DNMBP: variants seen among roughly 807,000 people sequenced by gnomAD.
DNMBP encodes dynamin-binding protein.
DNMBP carries 87 observed loss-of-function variants against 150.0 expected under a neutral mutation model. The ratio of observed to expected loss-of-function variants is 0.58; its 90% CI spans 0.49 to 0.69. The LOEUF (loss-of-function observed/expected upper bound fraction) is 0.69, where lower values mean the gene tolerates loss of function less well. Ranked by LOEUF, DNMBP falls within the 30% of genes least tolerant of loss-of-function variation. DNMBP has a pLI of 0.00. For missense variants in DNMBP, 1,774 were observed against 1,949.0 expected, an observed-to-expected ratio of 0.91 and a Z score of 1.69; for synonymous variants, 711 against 750.4, an observed-to-expected ratio of 0.95 and a Z score of 0.86.
chr10:99,940,470 G>C (rs1273083907), intron 4 of DNMBP, among the ~76,000 whole-genome samples: 1 of 152,042 alleles, frequency 6.6e-6, no homozygotes, highest in Non-Finnish European at 1.5e-5. Context: ...CTCTCCGTTG[G>C]CTTGCCAGAC....
chr10:99,946,739 A>G (rs1367769644), intron 4 of DNMBP, among the ~76,000 whole-genome samples: 1 of 152,222 alleles, frequency 6.6e-6, no homozygotes, highest in Non-Finnish European at 1.5e-5. Flanking sequence ...CTGGAACCCA[A>G]TTAAACTAAA....
Position 99,877,115 on chromosome 10 carries a change from C to G in DNMBP, c.*36G>C. Reference sequence around the variant, plus strand: ...GCCAGAACCCTCGGCGGACTGAAAGCAAAGGCAGCAAGGCTGGGTGGCAGG... The same window carrying G: ...GCCAGAACCCTCGGCGGACTGAAAGGAAAGGCAGCAAGGCTGGGTGGCAGG... On this transcript the variant is annotated 3_prime_UTR_variant, in exon 17 of 17. Coordinates refer to ENST00000324109, the MANE Select transcript of DNMBP (RefSeq NM_015221.4). 6.4e-7 allele frequency: 1 copy of G among 1,573,190 alleles called. No individual in the cohort carries two copies. The highest frequency in any genetic ancestry group is 8.6e-7 in the Non-Finnish European group (1 of 1,159,538).
chr10:99,998,384 C>T (rs1212015355), intron 1 of DNMBP, among the ~76,000 whole-genome samples: 1 of 151,714 alleles, frequency 6.6e-6, no homozygotes, highest in East Asian at 1.9e-4. Context: ...TTGAAACCAC[C>T]CTGGGCAACA....
chr10:99,890,740 G>A (rs889974729), intron 11 of DNMBP, among the ~76,000 whole-genome samples: 19 of 152,078 alleles, frequency 1.2e-4, no homozygotes, highest in East Asian at 1.9e-4. Context: ...TCCACCTCCC[G>A]GCGTCAAGCA....
chr10:99,956,390 C>A lies in DNMBP; in HGVS notation c.1084G>T (p.Gly362Cys), dbSNP rs768352811. 2.5e-6 allele frequency: 4 copies of A among 1,613,710 alleles called. No individual in the cohort carries two copies. The highest frequency in any genetic ancestry group is 4.5e-5 in the East Asian group (2 of 44,858). Residue 362 changes from glycine to cysteine, a missense_variant, in exon 4 of 17, where the codon GGT becomes TGT. Gly to Cys is a radical substitution (Grantham distance 159). Coordinates refer to ENST00000324109, the MANE Select transcript of DNMBP (RefSeq NM_015221.4). ...GTGTCATACTCTGAAGTCAGATGAC[C>A]GAGGGGAGAAGTGGGTGCTTCAGAA... ...IISEAPTSPL[G>C]HLTSEYDTDR...
At chr10:99,915,108 A>AAAAAAATAT (rs10654940) in intron 4 of DNMBP, among the ~76,000 whole-genome samples, 24 of 99,796 alleles carry the variant, frequency 2.4e-4, no homozygotes, top group African/African-American at 3.1e-4. Flanking sequence ...AAAAAAAAAA[A>AAAAAAATAT]ATATATATAT....
chr10:99,969,180 T>C lies in DNMBP; in HGVS notation c.203A>G (p.Glu68Gly), dbSNP rs780556113. 2 of 1,614,036 alleles carry C rather than the reference T, an allele frequency of 1.2e-6. No homozygotes were observed. The highest frequency in any genetic ancestry group is 3.3e-5 in the Admixed American group (2 of 60,018). ...IVTIPSLKEGERLFVCICEFT... is the reference protein window; with the variant it reads ...IVTIPSLKEGGRLFVCICEFT... ...TTCACAAATGCACACAAACAGCCTCTCTCCCTCTTTTAGACTGGGAATGGT... is the reference window on the plus strand; with the variant it reads ...TTCACAAATGCACACAAACAGCCTCCCTCCCTCTTTTAGACTGGGAATGGT... The change falls in exon 3 of 17, where the codon GAG becomes GGG. Residue 68 changes from glutamate (E) to glycine (G), a missense_variant. Glu to Gly is a moderately conservative substitution (Grantham distance 98). Transcript: ENST00000324109.
chr10:99,880,185 C>T lies in DNMBP; in HGVS notation c.4174G>A (p.Val1392Ile), dbSNP rs1213114949. 2 of 1,614,084 alleles carry T rather than the reference C, an allele frequency of 1.2e-6. No individual in the cohort carries two copies. Among genetic ancestry groups the T allele is most frequent in the Non-Finnish European group, 1.7e-6 (2 of 1,180,044 alleles). ...TGGCAAGACCCCGAGGTAAAGGATA[C>T]AGCCATGCTGCTGGGGTTGAAGGTC... is the stretch of plus-strand genomic sequence containing the variant. ...TLTFNPSSMA[V>I]SFTSGSCQKQ... The change falls in exon 16 of 17, where the codon GTA becomes ATA. Residue 1392 changes from valine (V) to isoleucine (I), a missense_variant. Transcript: ENST00000324109.
At chr10:99,908,372 C>T (rs1007562548) in intron 5 of DNMBP, among the ~76,000 whole-genome samples, 3 of 152,202 alleles carry the variant, frequency 2.0e-5, no homozygotes, top group African/African-American at 7.2e-5. Flanking sequence ...AATTCCCACC[C>T]GCAACCAACA....
chr10:99,989,636 G>A (rs565494499), intron 1 of DNMBP, among the ~76,000 whole-genome samples: 1 of 152,298 alleles, frequency 6.6e-6, no homozygotes, highest in South Asian at 2.1e-4. Context: ...ACTTGAACCT[G>A]GGAGGCGGAG....
At chr10:100,008,107 T>A (rs2041095118) in intron 1 of DNMBP, among the ~76,000 whole-genome samples, 1 of 152,178 alleles carries the variant, frequency 6.6e-6, no homozygotes, top group African/African-American at 2.4e-5. Flanking sequence ...CCAGGCTCGG[T>A]GGCTCACGCC....
chr10:99,969,355 G>A, intron 2 of DNMBP, 118 bp from the exon 3 acceptor site: 1 of 982,682 alleles, frequency 1.0e-6, no homozygotes, highest in Non-Finnish European at 1.5e-6. Context: ...AAAACTCAGG[G>A]AATACTCATA....
In DNMBP at chr10:99,877,283, C is replaced by T. The variant is rs1355936400; in HGVS notation, c.4602G>A (p.Val1534=). 4 of 1,613,826 alleles carry T rather than the reference C, an allele frequency of 2.5e-6. No individual in the cohort carries two copies. The highest frequency in any genetic ancestry group is 4.5e-5 in the East Asian group (2 of 44,860). Residue 1534 remains valine (V), a synonymous_variant, in exon 17 of 17, where the codon GTG becomes GTA. Transcript: ENST00000324109. The part of the protein sequence containing the change: ...FKARNPNELS[V]SANQKLKILE... The stretch of plus-strand genomic sequence containing the variant: ...GGATCTTGAGTTTCTGATTGGCTGA[C>T]ACGCTCAGCTCATTTGGGTTTCGTG...
chr10:99,936,254 C>T (rs1473957815), intron 4 of DNMBP, among the ~76,000 whole-genome samples: 1 of 152,070 alleles, frequency 6.6e-6, no homozygotes, highest in Admixed American at 6.5e-5. Context: ...ATATACTGTG[C>T]TCTTATCCTT....
chr10:99,910,896 A>G (rs1222219835), intron 4 of DNMBP, among the ~76,000 whole-genome samples: 2 of 152,230 alleles, frequency 1.3e-5, no homozygotes, highest in African/African-American at 4.8e-5. Flanking sequence ...ACTCTTTGTT[A>G]TGGTAGAATG....
At chr10:99,951,240 T>C (rs1037691411) in intron 4 of DNMBP, among the ~76,000 whole-genome samples, 3 of 152,160 alleles carry the variant, frequency 2.0e-5, no homozygotes, top group Non-Finnish European at 4.4e-5. Flanking sequence ...AGAGGATGTA[T>C]GGAAATGCCT....
At chr10:99,939,555 G>A (rs2040271056) in intron 4 of DNMBP, among the ~76,000 whole-genome samples, 2 of 152,242 alleles carry the variant, frequency 1.3e-5, no homozygotes, top group African/African-American at 4.8e-5. Context: ...CCTGGGCTTG[G>A]CCTAAGCCAA....
At chr10:99,901,252 T>C (rs1276167387) in intron 6 of DNMBP, among the ~76,000 whole-genome samples, 1 of 152,098 alleles carries the variant, frequency 6.6e-6, no homozygotes, top group Non-Finnish European at 1.5e-5. Flanking sequence ...TATAAGGTAT[T>C]AAATAACCAA....
intron 4 of DNMBP, among the ~76,000 whole-genome samples, chr10:99,923,332 G>A (rs1185554939): frequency 2.0e-5 from 3 of 151,762 alleles, no homozygotes; most frequent in East Asian, 3.9e-4. Flanking sequence ...GCTGCAGTGC[G>A]CTGAGATCAC....
Sources: gnomAD v4.1 joint callset for allele counts (sites outside exome capture counted in the v4.1 genomes callset) on GRCh38, gnomAD v4.1.1 for gene constraint, MANE v1.5 for transcripts, NCBI Gene and HGNC (gene_info 2026-07-23, HGNC 2026-07-21) for gene names.